NR1H4: variants seen among roughly 807,000 people sequenced by gnomAD.
NR1H4 encodes nuclear receptor subfamily 1 group H member 4.
A neutral mutation model predicts 58.5 loss-of-function variants in NR1H4; 23 were observed. That is an observed-to-expected ratio of 0.39 (90% CI 0.28 to 0.56). The LOEUF (loss-of-function observed/expected upper bound fraction) is 0.56. Ranked by LOEUF, NR1H4 falls within the 20% of genes least tolerant of loss-of-function variation. The probability of loss-of-function intolerance (pLI) is 0.58; values close to 1 mark genes in which losing one functional copy is unlikely to be tolerated. For missense variants in NR1H4, 487 were observed against 576.9 expected (o/e 0.84, Z 1.60); for synonymous variants, 214 against 198.0 (o/e 1.08, Z -0.68).
chr12:100,478,479 G>A (rs1429820223), intron 1 of NR1H4, among the ~76,000 whole-genome samples: 1 of 152,142 alleles, frequency 6.6e-6, no homozygotes, highest in Non-Finnish European at 1.5e-5. Context: ...GATACCCTAG[G>A]AGACTGACAT....
At chr12:100,543,010 A>G (rs1287260639) in intron 9 of NR1H4, among the ~76,000 whole-genome samples, 3 of 152,280 alleles carry the variant, frequency 2.0e-5, no homozygotes, top group African/African-American at 7.2e-5. Context: ...ATGATAAAAT[A>G]TGGAAGAGAA....
Position 100,534,961 on chromosome 12 carries a change from G to A in NR1H4, c.670G>A (p.Val224Met), listed in dbSNP as rs781187353. ...TGTGAAGCAGCATGCAGATCAGACC[G>A]TGAATGAAGACAGTGAAGGTCGTGA... is the stretch of plus-strand genomic sequence containing the variant. ...KNVKQHADQT[V>M]NEDSEGRDLR... The change falls in exon 6 of 11, where the codon GTG becomes ATG. Residue 224 changes from valine to methionine, a missense_variant. By Grantham distance (21) the Val-to-Met change is conservative. Transcript: ENST00000392986. The A allele has an allele frequency of 2.0e-5, 33 of 1,614,076 alleles. No individual in the cohort carries two copies. The South Asian group carries it at 2.2e-4, about 11-fold the overall frequency.
intron 9 of NR1H4, among the ~76,000 whole-genome samples, chr12:100,551,773 G>A (rs1281035522): frequency 6.6e-6 from 1 of 152,138 alleles, no homozygotes; most frequent in Non-Finnish European, 1.5e-5. Context: ...CAGAGGATTG[G>A]TTCTAAGATC....
At chr12:100,545,681 G>T (rs934494171) in intron 9 of NR1H4, among the ~76,000 whole-genome samples, 10 of 148,514 alleles carry the variant, frequency 6.7e-5, no homozygotes, top group Non-Finnish European at 1.3e-4. Flanking sequence ...CAAACGGGGG[G>T]CATATATGCG....
At chr12:100,506,526 G>A (rs1380519465) in intron 3 of NR1H4, among the ~76,000 whole-genome samples, 1 of 152,068 alleles carries the variant, frequency 6.6e-6, no homozygotes, top group African/African-American at 2.4e-5. Flanking sequence ...TGTTTTTTGA[G>A]ATGGAGTCTC....
At position 100,564,219 on chromosome 12, in the gene NR1H4, A is replaced by G. The variant is rs1428217138; in HGVS notation, c.*730A>G. On this transcript the variant is annotated 3_prime_UTR_variant, in exon 11 of 11. Transcript: ENST00000392986. ...CGCTTTCCTCTCTTAAAAGTGAGGAAATGATTGGCTTCATTGTATCCAATC... is the reference window on the plus strand; with the variant it reads ...CGCTTTCCTCTCTTAAAAGTGAGGAGATGATTGGCTTCATTGTATCCAATC... 1 of 152,206 alleles carries G rather than the reference A, an allele frequency of 6.6e-6. No homozygotes were observed. Among genetic ancestry groups the G allele is most frequent in the Non-Finnish European group, 1.5e-5 (1 of 68,056 alleles). The allele number at this position is 152,206 out of a possible 1,614,324, so 9.4% of individuals were successfully genotyped here.
At position 100,561,911 on chromosome 12, in the gene NR1H4, A is replaced by G. The variant is rs144550961; in HGVS notation, c.1105A>G (p.Met369Val). 1.3e-6 allele frequency: 2 copies of G among 1,486,292 alleles called. No homozygotes were observed. Among genetic ancestry groups the G allele is most frequent in the African/African-American group, 2.8e-5 (2 of 72,356 alleles). The allele number at this position is 1,486,292 out of a possible 1,614,324, so 92.1% of individuals were successfully genotyped here. ...TATCTCTGATGAATATATAACACCT[A>G]TGTTTAGTTTTTATAAAAGTATTGG... ...SGISDEYITP[M>V]FSFYKSIGEL... Residue 369 changes from methionine to valine, a missense_variant, in exon 10 of 11, where the codon ATG becomes GTG. By Grantham distance (21) the Met-to-Val change is conservative. Coordinates refer to ENST00000392986, the MANE Select transcript of NR1H4 (RefSeq NM_001206979.2).
chr12:100,505,539 G>T, intron 3 of NR1H4: 1 of 697,390 alleles, frequency 1.4e-6, no homozygotes, highest in South Asian at 1.5e-5. Context: ...GAAACCTGGA[G>T]ACTGTCTAAC....
intron 3 of NR1H4, among the ~76,000 whole-genome samples, chr12:100,509,912 C>A (rs558281134): frequency 1.4e-5 from 2 of 143,832 alleles, no homozygotes; most frequent in Non-Finnish European, 3.0e-5. Context: ...TGGGCACGTG[C>A]GCGCACACAC....
Position 100,510,872 on chromosome 12 carries a change from A to G in NR1H4, c.174A>G (p.Gln58=), listed in dbSNP as rs1049241734. 2.5e-6 allele frequency: 4 copies of G among 1,614,202 alleles called. No individual in the cohort carries two copies. Among genetic ancestry groups the G allele is most frequent in the African/African-American group, 2.7e-5 (2 of 75,056 alleles). The change falls in exon 4 of 11, where the codon CAA becomes CAG. Residue 58 remains glutamine, a synonymous_variant. Coordinates refer to ENST00000392986, the MANE Select transcript of NR1H4 (RefSeq NM_001206979.2). The part of the protein sequence containing the change: ...QYSNVQFPQV[Q]PQISSSSYYS... ...GCAATGTTCAGTTTCCCCAAGTTCA[A>G]CCACAGATTTCCTCGTCATCCTATT...
intron 4 of NR1H4, among the ~76,000 whole-genome samples, chr12:100,523,208 C>A (rs1476083745): frequency 6.6e-6 from 1 of 152,132 alleles, no homozygotes; most frequent in Non-Finnish European, 1.5e-5. Flanking sequence ...ACATCCACAC[C>A]AAAATCTATT....
chr12:100,494,710 T>C (rs1593049277), intron 3 of NR1H4, among the ~76,000 whole-genome samples: 1 of 152,260 alleles, frequency 6.6e-6, no homozygotes, highest in East Asian at 1.9e-4. Context: ...TGCCCTTCCG[T>C]GGTTCCTCAG....
intron 9 of NR1H4, among the ~76,000 whole-genome samples, chr12:100,541,558 A>G (rs1175218343): frequency 6.6e-6 from 1 of 151,680 alleles, no homozygotes; most frequent in Non-Finnish European, 1.5e-5. Context: ...CTGAGATTAC[A>G]GGTGTGAGCC....
chr12:100,494,937 T>C (rs1953681238), intron 3 of NR1H4, among the ~76,000 whole-genome samples: 1 of 152,166 alleles, frequency 6.6e-6, no homozygotes, highest in African/African-American at 2.4e-5. Context: ...TCTATTCAGC[T>C]CCAATTTGCA....
At chr12:100,480,374 T>A (rs1180670821) in intron 1 of NR1H4, among the ~76,000 whole-genome samples, 1 of 152,206 alleles carries the variant, frequency 6.6e-6, no homozygotes, top group Non-Finnish European at 1.5e-5. Context: ...AAAGAGTAAG[T>A]ACCTTATCAC....
At chr12:100,545,675 C>T (rs1180631905) in intron 9 of NR1H4, among the ~76,000 whole-genome samples, 15 of 92,480 alleles carry the variant, frequency 1.6e-4, no homozygotes, top group African/African-American at 7.6e-4. Context: ...AAAAACCAAA[C>T]GGGGGGCATA....
At chr12:100,537,156 G>T in intron 8 of NR1H4, 109 bp downstream of exon 8, 2 of 731,846 alleles carry the variant, frequency 2.7e-6, no homozygotes, top group Non-Finnish European at 4.7e-6. Context: ...ACATTCCTGT[G>T]AGATCAGCTC....
chr12:100,558,393 T>G (rs1259833047), intron 9 of NR1H4, among the ~76,000 whole-genome samples: 2 of 149,326 alleles, frequency 1.3e-5, no homozygotes, highest in Admixed American at 6.7e-5. Flanking sequence ...GCATCTCACT[T>G]TGTCACACAG....
chr12:100,558,732 T>C (rs1833796711), intron 9 of NR1H4, among the ~76,000 whole-genome samples: 1 of 152,176 alleles, frequency 6.6e-6, no homozygotes, highest in South Asian at 2.1e-4. Context: ...GAGCACAACA[T>C]GTACAAAAAC....
Sources: gnomAD v4.1 joint callset for allele counts (sites outside exome capture counted in the v4.1 genomes callset) on GRCh38, gnomAD v4.1.1 for gene constraint, MANE v1.5 for transcripts, NCBI Gene and HGNC (gene_info 2026-07-23, HGNC 2026-07-21) for gene names.